DCDC2: variants seen among roughly 807,000 people sequenced by gnomAD.
DCDC2 encodes doublecortin domain containing 2.
DCDC2 carries 40 observed loss-of-function variants against 50.2 expected under a neutral mutation model. The observed-to-expected ratio is 0.80, with a 90% CI of 0.62 to 1.04. The LOEUF (loss-of-function observed/expected upper bound fraction) is 1.04. Among genes scored for constraint, DCDC2 ranks in the 50% least tolerant of loss-of-function variants. The pLI, the probability that DCDC2 is intolerant of heterozygous loss-of-function variation, is 0.00. For missense variants in DCDC2, 570 were observed against 581.9 expected, an observed-to-expected ratio of 0.98 and a Z score of 0.21; for synonymous variants, 234 against 210.6, an observed-to-expected ratio of 1.11 and a Z score of -0.96.
At chr6:24,290,239 C>T (rs1159678428) in intron 5 of DCDC2, among the ~76,000 whole-genome samples, 1 of 151,552 alleles carries the variant, frequency 6.6e-6, no homozygotes, top group African/African-American at 2.4e-5. Flanking sequence ...GTGATCCGCC[C>T]GCCTCGGCCT....
intron 7 of DCDC2, among the ~76,000 whole-genome samples, chr6:24,211,903 A>C (rs553986759): frequency 1.6e-4 from 24 of 152,286 alleles, no homozygotes; most frequent in South Asian, 6.2e-4. Flanking sequence ...AAATGATACA[A>C]CATGTGTCTA....
chr6:24,311,124 C>T (rs1759563661), intron 2 of DCDC2, among the ~76,000 whole-genome samples: 1 of 152,176 alleles, frequency 6.6e-6, no homozygotes, highest in African/African-American at 2.4e-5. Context: ...AGATGATGTC[C>T]TCGTGTCTTG....
At chr6:24,284,856 C>T (rs778697743) in intron 6 of DCDC2, among the ~76,000 whole-genome samples, 5 of 152,042 alleles carry the variant, frequency 3.3e-5, no homozygotes, top group Non-Finnish European at 7.4e-5. Context: ...CGGCCTCATC[C>T]CTGGCACAAT....
At chr6:24,199,008 G>A (rs571173864) in intron 8 of DCDC2, among the ~76,000 whole-genome samples, 25 of 152,344 alleles carry the variant, frequency 1.6e-4, no homozygotes, top group African/African-American at 6.0e-4. Context: ...AGCAGCTCCA[G>A]TCAGGGGCTC....
upstream of DCDC2, among the ~76,000 whole-genome samples, chr6:24,361,262 G>A (rs998418718): frequency 2.0e-5 from 3 of 152,088 alleles, no homozygotes; most frequent in African/African-American, 7.2e-5. Context: ...ACAGATACTG[G>A]GGCCTACTTG....
intron 2 of DCDC2, among the ~76,000 whole-genome samples, chr6:24,311,738 G>T (rs535984408): frequency 5.7e-4 from 87 of 152,302 alleles, no homozygotes; most frequent in African/African-American, 2.0e-3. Flanking sequence ...GCAGTCACAT[G>T]AATCCACTTC....
chr6:24,334,343 C>T (rs1760019316), intron 2 of DCDC2, among the ~76,000 whole-genome samples: 1 of 152,132 alleles, frequency 6.6e-6, no homozygotes, highest in Non-Finnish European at 1.5e-5. Flanking sequence ...CCAGGACTTG[C>T]GGTGGCCCTC....
At chr6:24,296,690 C>G (rs1267332378) in intron 4 of DCDC2, among the ~76,000 whole-genome samples, 1 of 152,186 alleles carries the variant, frequency 6.6e-6, no homozygotes, top group Non-Finnish European at 1.5e-5. Context: ...GACATACTTG[C>G]AGCCAACAAG....
intron 9 of DCDC2, among the ~76,000 whole-genome samples, 199 bp from the exon 10 acceptor site, chr6:24,175,033 C>T (rs1371512825): frequency 2.0e-5 from 3 of 152,030 alleles, no homozygotes; most frequent in Admixed American, 6.6e-5. Flanking sequence ...TACAAAAGTC[C>T]TTTTGGGGTT....
chr6:24,264,751 G>A (rs925037427), intron 7 of DCDC2, among the ~76,000 whole-genome samples: 2 of 151,574 alleles, frequency 1.3e-5, no homozygotes, highest in Non-Finnish European at 2.9e-5. Flanking sequence ...AATGGCAAGA[G>A]TAAGCCCTTA....
intron 6 of DCDC2, among the ~76,000 whole-genome samples, chr6:24,285,673 T>C (rs1262650961): frequency 6.6e-6 from 1 of 152,210 alleles, no homozygotes; most frequent in Non-Finnish European, 1.5e-5. Flanking sequence ...GAAATAAAAA[T>C]TGCATGTGTG....
the DCDC2 span, among the ~76,000 whole-genome samples, chr6:24,369,209 T>C: frequency 1.3e-5 from 2 of 151,838 alleles, no homozygotes; most frequent in African/African-American, 4.8e-5. Context: ...ATGTAAGCAT[T>C]ATAAGCCCCT....
At chr6:24,359,377 AT>A, upstream of DCDC2, among the ~76,000 whole-genome samples, 1 of 70,434 alleles carries the variant, frequency 1.4e-5, no homozygotes, top group East Asian at 4.6e-4. Flanking sequence ...TATTATATAT[AT>A]TTTATATATT....
chr6:24,248,304 C>T (rs1762727730), intron 7 of DCDC2, among the ~76,000 whole-genome samples: 3 of 152,178 alleles, frequency 2.0e-5, no homozygotes, highest in Admixed American at 2.0e-4. Context: ...GTTTCAAACA[C>T]TAACTTCTTC....
At chr6:24,301,596 C>T (rs531375920) in intron 4 of DCDC2, 119 bp downstream of exon 4, 23 of 1,099,140 alleles carry the variant, frequency 2.1e-5, no homozygotes, top group Middle Eastern at 2.1e-4. Context: ...GAAACTGAGG[C>T]ATACGGGGCC....
rs568398246 is a variant in DCDC2, at chr6:24,357,990, A to G, written c.-240T>C. On this transcript the variant is annotated 5_prime_UTR_variant, in exon 1 of 10. Transcript: ENST00000378454. Reference sequence around the variant, plus strand: ...TTTTTCACCGTGGCGTGCACAGCCAATCAGGACCCGCAGTGCGCGCACCAC... The same window carrying G: ...TTTTTCACCGTGGCGTGCACAGCCAGTCAGGACCCGCAGTGCGCGCACCAC... 10 of 1,415,882 alleles carry G rather than the reference A, an allele frequency of 7.1e-6. No homozygotes were observed. The South Asian group carries it at 1.0e-4, about 15-fold the overall frequency. 87.7% of individuals were successfully genotyped at this position (1,415,882 alleles called of 1,614,324 possible). A position where few individuals can be genotyped will look rare whatever the true frequency, so the allele number is the denominator to read the frequency against.
chr6:24,354,708 T>C (rs1330400533), intron 1 of DCDC2, among the ~76,000 whole-genome samples: 1 of 152,174 alleles, frequency 6.6e-6, no homozygotes, highest in African/African-American at 2.4e-5. Context: ...ACAAGATTAA[T>C]GCTGCAGAGT....
chr6:24,362,494 A>G (rs931467062), upstream of DCDC2, among the ~76,000 whole-genome samples: 1 of 110,876 alleles, frequency 9.0e-6, no homozygotes, highest in Non-Finnish European at 1.9e-5. Context: ...ATTTAATTGT[A>G]TATTTATACA....
intron 2 of DCDC2, among the ~76,000 whole-genome samples, chr6:24,344,330 G>C (rs1213826704): frequency 1.3e-5 from 2 of 152,136 alleles, no homozygotes; most frequent in Admixed American, 6.6e-5. Flanking sequence ...CACATATTTA[G>C]TAATTTAATA....
Sources: allele counts gnomAD v4.1 joint callset (sites outside exome capture counted in the v4.1 genomes callset), GRCh38; gene constraint gnomAD v4.1.1; transcripts MANE v1.5; gene names NCBI Gene and HGNC (gene_info 2026-07-23, HGNC 2026-07-21).